The following USP15 variants were observed in gnomAD, a reference collection of about 807,000 sequenced individuals.
USP15 encodes ubiquitin specific peptidase 15, also known as ubiquitin carboxyl-terminal hydrolase 15.
In USP15, 18 loss-of-function variants were observed where a neutral mutation model predicts 127.1. The ratio of observed to expected loss-of-function variants is 0.14; its 90% CI spans 0.10 to 0.21. The LOEUF (loss-of-function observed/expected upper bound fraction) is 0.21, where lower values mean the gene tolerates loss of function less well. Among genes scored for constraint, USP15 ranks in the 10% least tolerant of loss-of-function variants. The pLI, the probability that USP15 is intolerant of heterozygous loss-of-function variation, is 1.00. For synonymous variants in USP15, 364 were observed against 393.7 expected (o/e 0.92, Z 0.89); for missense variants, 805 against 1,159.9 (o/e 0.69, Z 4.44).
At chr12:62,320,485 GAGAACAGA>G (rs1423424078) in intron 4 of USP15, among the ~76,000 whole-genome samples, 1 of 152,134 alleles carries the variant, frequency 6.6e-6, no homozygotes, top group Non-Finnish European at 1.5e-5. Context: ...ATAGCAGTGT[GAGAACAGA>G]CTAATACAAG....
intron 1 of USP15, among the ~76,000 whole-genome samples, chr12:62,278,102 T>G (rs1013918941): frequency 2.0e-5 from 3 of 152,250 alleles, no homozygotes; most frequent in Admixed American, 2.0e-4. Flanking sequence ...AATTAAAAAG[T>G]TTTTTTGCCG....
At chr12:62,390,805 T>G (rs1244133434) in intron 14 of USP15, 59 bp from the exon 15 acceptor site, 2 of 1,309,682 alleles carry the variant, frequency 1.5e-6, no homozygotes, top group Non-Finnish European at 2.1e-6. Context: ...GAAGGAAAAC[T>G]TTTTAAAAGT....
chr12:62,361,668 A>G (rs1056560693), intron 8 of USP15, among the ~76,000 whole-genome samples: 1 of 151,984 alleles, frequency 6.6e-6, no homozygotes, highest in Non-Finnish European at 1.5e-5. Flanking sequence ...AGAAATGTCA[A>G]TCTGTAGTCT....
chr12:62,344,740 G>A (rs1197127105), intron 6 of USP15, among the ~76,000 whole-genome samples: 2 of 152,176 alleles, frequency 1.3e-5, no homozygotes, highest in Non-Finnish European at 2.9e-5. Flanking sequence ...TGAAATCAAG[G>A]TGGAGGTTCC....
Position 62,389,778 on chromosome 12 carries a change from G to A in USP15, c.1653-19G>A. On this transcript the variant is annotated intron_variant, in intron 13 of 21. Coordinates refer to ENST00000280377, the MANE Select transcript of USP15 (RefSeq NM_001252078.2). ...TAACATAAAATTTTGAGAGTTTATG[G>A]TCAGTTTTGTCCTTGTAGGTTTGAA... 2 of 1,603,510 alleles carry A rather than the reference G, an allele frequency of 1.2e-6. No individual in the cohort carries two copies. Among genetic ancestry groups the A allele is most frequent in the Non-Finnish European group, 1.7e-6 (2 of 1,174,142 alleles).
At chr12:62,344,516 C>G (rs2065750834) in intron 6 of USP15, among the ~76,000 whole-genome samples, 1 of 152,178 alleles carries the variant, frequency 6.6e-6, no homozygotes, top group African/African-American at 2.4e-5. Flanking sequence ...TTTCCAGGTG[C>G]ACAGTGCAAG....
rs1279832359 is a variant in USP15, at chr12:62,381,421, A to C, written c.916-69A>C. 50 of 1,343,542 alleles carry C rather than the reference A, an allele frequency of 3.7e-5. 1 individual carries two copies. The Admixed American group carries it at 1.2e-3, about 31-fold the overall frequency. 83.2% of individuals were successfully genotyped at this position (1,343,542 alleles called of 1,614,324 possible). A position where few individuals can be genotyped will look rare whatever the true frequency, so the allele number is the denominator to read the frequency against. ...AGCAAATCAATTTGTTTCTCTCTTCATATTAATGTGTTTTAAGAAAAATTC... is the reference window on the plus strand; with the variant it reads ...AGCAAATCAATTTGTTTCTCTCTTCCTATTAATGTGTTTTAAGAAAAATTC... On this transcript the variant is annotated intron_variant, in intron 8 of 21. Transcript: ENST00000280377.
At chr12:62,362,522 T>C (rs1319367421) in intron 8 of USP15, among the ~76,000 whole-genome samples, 2 of 152,202 alleles carry the variant, frequency 1.3e-5, no homozygotes, top group East Asian at 3.8e-4. Flanking sequence ...CACTGGTGGA[T>C]ATTTTTCATC....
chr12:62,336,530 T>G, intron 6 of USP15: 1 of 950,592 alleles, frequency 1.1e-6, no homozygotes, highest in East Asian at 1.2e-4. Flanking sequence ...TCCAAAGAAC[T>G]TCTGTTATAT....
rs1426169589 is a variant in USP15, at chr12:62,409,749, C to T, written c.*5374C>T. The T allele has an allele frequency of 6.6e-6, 1 of 152,210 alleles. No individual in the cohort carries two copies. Among genetic ancestry groups the T allele is most frequent in the Non-Finnish European group, 1.5e-5 (1 of 67,988 alleles). 9.4% of individuals were successfully genotyped at this position (152,210 alleles called of 1,614,324 possible). A position where few individuals can be genotyped will look rare whatever the true frequency, so the allele number is the denominator to read the frequency against. ...GTCTTTCCCACAATGTGTATTATTA[C>T]ATTATTCTCAGTAATGACACATACT... is the stretch of plus-strand genomic sequence containing the variant. On this transcript the variant is annotated 3_prime_UTR_variant, in exon 22 of 22. Transcript: ENST00000280377.
At chr12:62,301,239 G>A (rs1162611733) in intron 2 of USP15, among the ~76,000 whole-genome samples, 4 of 152,058 alleles carry the variant, frequency 2.6e-5, no homozygotes, top group Non-Finnish European at 4.4e-5. Context: ...TGTTTCTATC[G>A]ATGTCATATC....
At chr12:62,308,801 A>C (rs1424805000) in intron 3 of USP15, among the ~76,000 whole-genome samples, 1 of 152,188 alleles carries the variant, frequency 6.6e-6, no homozygotes, top group Non-Finnish European at 1.5e-5. Context: ...ATTTTCTGTC[A>C]TTAGTGGGAT....
chr12:62,295,868 C>G (rs1207571797), intron 2 of USP15, among the ~76,000 whole-genome samples: 1 of 152,202 alleles, frequency 6.6e-6, no homozygotes, highest in Non-Finnish European at 1.5e-5. Context: ...ATAATACTCT[C>G]CCCTTTGAGT....
chr12:62,299,896 C>A (rs1212417142), intron 2 of USP15, among the ~76,000 whole-genome samples: 1 of 152,062 alleles, frequency 6.6e-6, no homozygotes, highest in Non-Finnish European at 1.5e-5. Context: ...TGATTTTTGA[C>A]GTGCATTTCC....
intron 3 of USP15, chr12:62,304,954 C>A (rs73135294): frequency 0.084 from 18,591 of 221,042 alleles, 921 homozygotes; most frequent in Middle Eastern, 0.15. Context: ...ATTATTAGAC[C>A]AAACAGAACT....
intron 5 of USP15, among the ~76,000 whole-genome samples, chr12:62,322,785 T>C (rs2065020648): frequency 6.6e-6 from 1 of 152,200 alleles, no homozygotes; most frequent in South Asian, 2.1e-4. Flanking sequence ...TGGTTTAACC[T>C]TGTACCTACT....
intron 8 of USP15, among the ~76,000 whole-genome samples, chr12:62,355,825 C>CTTTTTTTTTT (rs201572809): frequency 3.5e-4 from 43 of 124,372 alleles, no homozygotes; most frequent in Non-Finnish European, 4.4e-4. Flanking sequence ...CTTTTTTTTT[C>CTTTTTTTTTT]TTTTTTTTTT....
In USP15 at chr12:62,410,854, T is replaced by TA. The variant is rs11413557; in HGVS notation, c.*6479_*6480insA. 1.3e-5 allele frequency: 2 copies of TA among 150,556 alleles called. No individual in the cohort carries two copies. The highest frequency in any genetic ancestry group is 3.0e-5 in the Non-Finnish European group (2 of 67,674). 9.3% of individuals were successfully genotyped at this position (150,556 alleles called of 1,614,324 possible). A position where few individuals can be genotyped will look rare whatever the true frequency, so the allele number is the denominator to read the frequency against. On this transcript the variant is annotated 3_prime_UTR_variant, in exon 22 of 22. Transcript: ENST00000280377. The stretch of plus-strand genomic sequence containing the variant: ...TCAAGTTAATATTTGTTTTTGTTTT[T>TA]TTTTTTTTTTAATTTTGGGCCTCAC...
chr12:62,390,214 TA>T (rs2067278642), intron 14 of USP15, among the ~76,000 whole-genome samples: 1 of 152,194 alleles, frequency 6.6e-6, no homozygotes, highest in South Asian at 2.1e-4. Context: ...GTAGCAGTTT[TA>T]AACCAAAAGT....
Sources: allele counts gnomAD v4.1 joint callset (sites outside exome capture counted in the v4.1 genomes callset), GRCh38; gene constraint gnomAD v4.1.1; transcripts MANE v1.5; gene names NCBI Gene and HGNC (gene_info 2026-07-23, HGNC 2026-07-21).